The following EIF4G3 variants were observed in gnomAD, a reference collection of about 807,000 sequenced individuals.
The protein encoded by EIF4G3 is eukaryotic translation initiation factor 4 gamma 3, also known as eIF-4-gamma 3.
EIF4G3 carries 34 observed loss-of-function variants against 186.4 expected under a neutral mutation model. The ratio of observed to expected loss-of-function variants is 0.18; its 90% CI spans 0.14 to 0.24. The LOEUF is 0.24. EIF4G3 is among the 10% of genes least tolerant of loss of function. The probability of loss-of-function intolerance (pLI) is 1.00; values close to 1 mark genes in which losing one functional copy is unlikely to be tolerated. For synonymous variants in EIF4G3, 673 were observed against 679.5 expected (o/e 0.99, Z 0.15); for missense variants, 1,536 against 1,948.5 (o/e 0.79, Z 3.99).
intron 2 of EIF4G3, among the ~76,000 whole-genome samples, chr1:21,102,340 A>T (rs1046668752): frequency 6.6e-6 from 1 of 152,188 alleles, no homozygotes; most frequent in East Asian, 1.9e-4. Context: ...TGGGCCACAG[A>T]TTGCAAACCC....
intron 3 of EIF4G3, among the ~76,000 whole-genome samples, chr1:21,068,375 T>TAAAAA (rs869306512): frequency 9.6e-4 from 65 of 67,790 alleles, no homozygotes; most frequent in South Asian, 2.5e-3. Context: ...ACTCTGTCTT[T>TAAAAA]AAAAAAAAAA....
intron 31 of EIF4G3, among the ~76,000 whole-genome samples, chr1:20,827,937 C>G (rs1330468303): frequency 2.0e-5 from 3 of 151,806 alleles, no homozygotes; most frequent in Non-Finnish European, 2.9e-5. Context: ...ACACAAAGAT[C>G]AGATGTGGTA....
At chr1:20,882,209 A>ACACACACC (rs1553251574) in intron 19 of EIF4G3, among the ~76,000 whole-genome samples, 1 of 67,792 alleles carries the variant, frequency 1.5e-5, no homozygotes, top group Non-Finnish European at 4.2e-5. Context: ...ACACACACAC[A>ACACACACC]CACACAAAAT....
chr1:20,911,492 T>C (rs777985822), intron 14 of EIF4G3, among the ~76,000 whole-genome samples: 4 of 140,844 alleles, frequency 2.8e-5, no homozygotes, highest in Non-Finnish European at 4.5e-5. Context: ...AGCCCAGGAG[T>C]TGGAGTTGCA....
chr1:20,930,770 T>G (rs2095270771), intron 14 of EIF4G3, among the ~76,000 whole-genome samples: 1 of 152,238 alleles, frequency 6.6e-6, no homozygotes, highest in African/African-American at 2.4e-5. Context: ...ACTGAAGTCT[T>G]GAGCCCCTCA....
At chr1:21,084,692 C>T (rs577339521) in intron 3 of EIF4G3, among the ~76,000 whole-genome samples, 7 of 152,056 alleles carry the variant, frequency 4.6e-5, no homozygotes, top group Non-Finnish European at 1.0e-4. Flanking sequence ...TTCCTTCTAC[C>T]ACAAATGTTT....
At chr1:21,002,687 T>TTTG in intron 5 of EIF4G3, 26 bp downstream of exon 5, 1 of 1,610,688 alleles carries the variant, frequency 6.2e-7, no homozygotes, top group Non-Finnish European at 8.5e-7. Context: ...GAGAATGTAA[T>TTTG]TTGGTTCAAG....
intron 3 of EIF4G3, among the ~76,000 whole-genome samples, chr1:21,083,615 T>A (rs1045688105): frequency 6.6e-6 from 1 of 152,108 alleles, no homozygotes; most frequent in Admixed American, 6.6e-5. Context: ...TGAGCCACCA[T>A]GCCTGGTCTC....
At chr1:20,961,737 G>C (rs1273371713) in intron 12 of EIF4G3, among the ~76,000 whole-genome samples, 1 of 152,086 alleles carries the variant, frequency 6.6e-6, no homozygotes, top group African/African-American at 2.4e-5. Flanking sequence ...ACTTTTGAGA[G>C]AATCCACCCC....
At chr1:21,011,370 C>A (rs927506282) in intron 4 of EIF4G3, among the ~76,000 whole-genome samples, 4 of 152,014 alleles carry the variant, frequency 2.6e-5, no homozygotes, top group Non-Finnish European at 4.4e-5. Context: ...TAGATTTACA[C>A]GGAATTTGAG....
chr1:20,909,099 C>T (rs1439191396), intron 14 of EIF4G3, among the ~76,000 whole-genome samples: 1 of 150,862 alleles, frequency 6.6e-6, no homozygotes. Context: ...TTGTAGTGAG[C>T]AGAGATCACG....
chr1:20,964,320 C>T (rs1212733124), intron 12 of EIF4G3, among the ~76,000 whole-genome samples: 1 of 152,154 alleles, frequency 6.6e-6, no homozygotes, highest in East Asian at 1.9e-4. Context: ...CAAGTGTTCT[C>T]GTGAGCCATG....
chr1:21,068,069 T>G (rs549668115), intron 3 of EIF4G3, among the ~76,000 whole-genome samples: 38 of 152,110 alleles, frequency 2.5e-4, no homozygotes, highest in African/African-American at 8.7e-4. Context: ...TGACCTTATT[T>G]GTGATCTTAA....
At chr1:20,897,582 T>C (rs2088713446) in intron 16 of EIF4G3, among the ~76,000 whole-genome samples, 1 of 152,114 alleles carries the variant, frequency 6.6e-6, no homozygotes, top group African/African-American at 2.4e-5. Flanking sequence ...GACTCCAGAT[T>C]ACTTCCTGAT....
intron 3 of EIF4G3, among the ~76,000 whole-genome samples, chr1:21,078,037 A>G (rs181769309): frequency 2.6e-5 from 4 of 152,318 alleles, no homozygotes; most frequent in Admixed American, 6.5e-5. Flanking sequence ...ATGATCCAGC[A>G]ATCTCACTGC....
In EIF4G3 at chr1:21,074,045, A is replaced by G. The variant is rs144612556; in HGVS notation, c.-196+15093T>C. The stretch of plus-strand genomic sequence containing the variant: ...ACCACCATCTAGTAGAGTACCATAG[A>G]TGGTATTGAACAAATACTGGCTAGA... On this transcript the variant is annotated intron_variant, in intron 3 of 36. Coordinates refer to ENST00000602326, the MANE Select transcript of EIF4G3 (RefSeq NM_001391906.1). Among the ~76,000 whole-genome samples the G allele has an allele frequency of 3.7e-3, 559 of 152,298 alleles. 5 individuals carry two copies. The highest frequency in any genetic ancestry group is 0.013 in the African/African-American group (532 of 41,554).
Position 20,817,384 on chromosome 1 carries a change from C to A in EIF4G3, c.4515+8G>T. ...GAGGTATCAGGGAAGGTGACATAGT[C>A]TTTATACCTCTACCCAGTCAAAGAT... is the stretch of plus-strand genomic sequence containing the variant. On this transcript the variant is annotated splice_region_variant and intron_variant, in intron 34 of 36. Coordinates refer to ENST00000602326, the MANE Select transcript of EIF4G3 (RefSeq NM_001391906.1). 6.4e-7 allele frequency: 1 copy of A among 1,566,910 alleles called. No homozygotes were observed.
chr1:21,033,459 A>G (rs1252868365), intron 4 of EIF4G3, among the ~76,000 whole-genome samples: 2 of 152,104 alleles, frequency 1.3e-5, no homozygotes, highest in African/African-American at 4.8e-5. Context: ...CTGAACTTAA[A>G]AAAAAAAAAG....
intron 2 of EIF4G3, among the ~76,000 whole-genome samples, chr1:21,105,416 G>C (rs1486872772): frequency 6.8e-6 from 1 of 147,128 alleles, no homozygotes; most frequent in Admixed American, 6.8e-5. Flanking sequence ...TGCAACGAGT[G>C]AAACTCCGTC....
Sources: gnomAD v4.1 joint callset for allele counts (sites outside exome capture counted in the v4.1 genomes callset) on GRCh38, gnomAD v4.1.1 for gene constraint, MANE v1.5 for transcripts, NCBI Gene and HGNC (gene_info 2026-07-23, HGNC 2026-07-21) for gene names.